DPYD: variants seen among roughly 807,000 people sequenced by gnomAD.
DPYD encodes the protein dihydropyrimidine dehydrogenase [NADP(+)].
DPYD carries 109 observed loss-of-function variants against 116.2 expected under a neutral mutation model. The observed-to-expected ratio is 0.94, with a 90% CI of 0.80 to 1.10. The LOEUF (loss-of-function observed/expected upper bound fraction) is 1.10, where lower values mean the gene tolerates loss of function less well. Ranked by LOEUF, DPYD falls within the 50% of genes least tolerant of loss-of-function variation. DPYD has a pLI of 0.00. For missense variants in DPYD, 1,302 were observed against 1,254.5 expected, an observed-to-expected ratio of 1.04 and a Z score of -0.57; for synonymous variants, 440 against 432.0, an observed-to-expected ratio of 1.02 and a Z score of -0.23.
chr1:97,136,569 T>A (rs985176939), intron 20 of DPYD, among the ~76,000 whole-genome samples: 4 of 152,094 alleles, frequency 2.6e-5, no homozygotes, highest in Non-Finnish European at 5.9e-5. Context: ...GAATTCTCAA[T>A]TCCTACCCAC....
intron 18 of DPYD, among the ~76,000 whole-genome samples, chr1:97,278,417 T>C (rs1459383397): frequency 6.6e-6 from 1 of 152,220 alleles, no homozygotes; most frequent in Non-Finnish European, 1.5e-5. Flanking sequence ...CTACAGAAAG[T>C]AAATGGACAG....
At chr1:97,170,679 CT>C (rs571244785) in intron 20 of DPYD, among the ~76,000 whole-genome samples, 4,564 of 143,172 alleles carry the variant, frequency 0.032, 152 homozygotes, top group African/African-American at 0.092. Context: ...CTTTCCATTT[CT>C]TTTTTTTTTT....
chr1:97,475,741 C>A (rs1216296065), intron 13 of DPYD, among the ~76,000 whole-genome samples: 2 of 152,150 alleles, frequency 1.3e-5, no homozygotes, highest in Admixed American at 6.5e-5. Context: ...AGGCTGGTGG[C>A]CAAATTTGGC....
intron 12 of DPYD, among the ~76,000 whole-genome samples, chr1:97,524,002 T>A (rs1648874654): frequency 1.3e-5 from 2 of 151,958 alleles, no homozygotes; most frequent in South Asian, 4.1e-4. Context: ...AATTTAACCA[T>A]GAATAATTAT....
chr1:97,190,501 C>G (rs1209349021), intron 20 of DPYD, among the ~76,000 whole-genome samples: 1 of 152,098 alleles, frequency 6.6e-6, no homozygotes, highest in East Asian at 1.9e-4. Flanking sequence ...TTTTAAGCAC[C>G]AAGAGTTTGA....
intron 20 of DPYD, among the ~76,000 whole-genome samples, chr1:97,138,715 G>T (rs1202695495): frequency 6.6e-6 from 1 of 152,146 alleles, no homozygotes; most frequent in Non-Finnish European, 1.5e-5. Flanking sequence ...GAACTAATAA[G>T]AGAGAAGAAT....
intron 3 of DPYD, among the ~76,000 whole-genome samples, chr1:97,768,123 T>G (rs954216465): frequency 1.3e-5 from 2 of 152,120 alleles, no homozygotes; most frequent in Non-Finnish European, 2.9e-5. Context: ...CTGAGTAGTA[T>G]TCTCATAAAT....
At position 97,193,201 on chromosome 1, in the gene DPYD, G is replaced by A. The variant is rs1337420489; in HGVS notation, c.2490C>T (p.Tyr830=). 1 of 1,613,952 alleles carries A rather than the reference G, an allele frequency of 6.2e-7. No individual in the cohort carries two copies. The highest frequency in any genetic ancestry group is 8.5e-7 in the Non-Finnish European group (1 of 1,179,950). ...QNQDFTVIED[Y]CTGLKALLYL... ...AAAGCAGGGCTTTGAGGCCAGTGCAGTAGTCTTCGATCACAGTGAAATCCT... is the reference window on the plus strand; with the variant it reads ...AAAGCAGGGCTTTGAGGCCAGTGCAATAGTCTTCGATCACAGTGAAATCCT... Residue 830 remains tyrosine (Y), a synonymous_variant, in exon 20 of 23, where the codon TAC becomes TAT. Coordinates refer to ENST00000370192, the MANE Select transcript of DPYD (RefSeq NM_000110.4).
intron 20 of DPYD, among the ~76,000 whole-genome samples, chr1:97,130,809 C>A (rs1292107584): frequency 5.0e-5 from 2 of 40,086 alleles, no homozygotes; most frequent in East Asian, 8.7e-4. Flanking sequence ...CTCCCTCTTT[C>A]TTTCTTTCTT....
rs184002088 is a variant in DPYD, at chr1:97,261,688, T to C, written c.2300-26694A>G. On this transcript the variant is annotated intron_variant, in intron 18 of 22. Transcript: ENST00000370192. ...TAGTTAAGAGATAAAACTGTGTTTT[T>C]AGAATTGAGAACTTAGGCTAGGCAG... 1.2e-4 allele frequency among the ~76,000 whole-genome samples: 18 copies of C among 152,080 alleles called. No individual in the cohort carries two copies. The East Asian group carries it at 3.1e-3, about 26-fold the overall frequency.
intron 14 of DPYD, among the ~76,000 whole-genome samples, chr1:97,449,569 GAA>G (rs997434249): frequency 2.0e-5 from 3 of 151,408 alleles, no homozygotes; most frequent in African/African-American, 7.3e-5. Context: ...TTCTTTAAGA[GAA>G]AAAAAAGATT....
intron 14 of DPYD, among the ~76,000 whole-genome samples, chr1:97,421,112 T>A (rs1487391329): frequency 1.3e-5 from 2 of 152,188 alleles, no homozygotes; most frequent in Admixed American, 1.3e-4. Flanking sequence ...TTGCCATGTG[T>A]ACTTGGTAAA....
intron 13 of DPYD, among the ~76,000 whole-genome samples, chr1:97,457,770 C>T (rs1412400383): frequency 6.6e-6 from 1 of 152,106 alleles, no homozygotes; most frequent in Admixed American, 6.6e-5. Flanking sequence ...ATTGCAGAGT[C>T]CTGAATGACT....
At chr1:97,894,226 A>C (rs907886147) in intron 1 of DPYD, among the ~76,000 whole-genome samples, 4 of 151,748 alleles carry the variant, frequency 2.6e-5, no homozygotes, top group Admixed American at 6.6e-5. Flanking sequence ...GAATGAGAGA[A>C]AGCTCTCTGT....
chr1:97,160,166 C>T (rs1231745278), intron 20 of DPYD, among the ~76,000 whole-genome samples: 1 of 151,964 alleles, frequency 6.6e-6, no homozygotes, highest in Non-Finnish European at 1.5e-5. Flanking sequence ...TGTGGTGGGC[C>T]TTCCAAGATA....
At chr1:97,757,979 A>G (rs1255266016) in intron 3 of DPYD, among the ~76,000 whole-genome samples, 1 of 152,190 alleles carries the variant, frequency 6.6e-6, no homozygotes, top group Non-Finnish European at 1.5e-5. Context: ...CATAATACGC[A>G]CTGCCTGAGA....
intron 13 of DPYD, among the ~76,000 whole-genome samples, chr1:97,477,601 CTTCTTTTTTTTTTT>C (rs1360540365): frequency 1.6e-5 from 2 of 124,474 alleles, no homozygotes; most frequent in Non-Finnish European, 3.2e-5. Context: ...CATGACTGTT[CTTCTTTTTTTTTTT>C]TTTTTTTTTT....
At chr1:97,802,253 A>T (rs1437923910) in intron 3 of DPYD, among the ~76,000 whole-genome samples, 2 of 151,954 alleles carry the variant, frequency 1.3e-5, no homozygotes, top group African/African-American at 4.8e-5. Context: ...TTTTAAAACT[A>T]TTTAATTATG....
intron 13 of DPYD, among the ~76,000 whole-genome samples, chr1:97,513,784 C>T (rs763843792): frequency 3.3e-5 from 5 of 151,668 alleles, no homozygotes; most frequent in Non-Finnish European, 7.4e-5. Flanking sequence ...TAAGCACATA[C>T]GATGTAATTA....
Sources: allele counts gnomAD v4.1 joint callset (sites outside exome capture counted in the v4.1 genomes callset), GRCh38; gene constraint gnomAD v4.1.1; transcripts MANE v1.5; gene names NCBI Gene and HGNC (gene_info 2026-07-23, HGNC 2026-07-21).